Variants in NALF1 observed in about 807,000 individuals in gnomAD.
NALF1 encodes the protein NALCN channel auxiliary factor 1.
NALF1 carries 3 observed loss-of-function variants against 48.4 expected under a neutral mutation model. That is an observed-to-expected ratio of 0.06 (90% CI 0.03 to 0.16). NALF1 has a LOEUF of 0.16. Ranked by LOEUF, NALF1 falls within the 10% of genes least tolerant of loss-of-function variation. The pLI is 1.00. For missense variants in NALF1, 526 were observed against 571.5 expected (o/e 0.92, Z 0.81); for synonymous variants, 262 against 245.7 (o/e 1.07, Z -0.62).
chr13:107,451,581 T>C (rs930856805), intron 1 of NALF1, among the ~76,000 whole-genome samples: 5 of 152,150 alleles, frequency 3.3e-5, no homozygotes, highest in African/African-American at 1.2e-4. Context: ...GTATTTCAGC[T>C]CCTTTCTCTT....
intron 1 of NALF1, among the ~76,000 whole-genome samples, chr13:107,378,652 A>G (rs1429308938): frequency 6.6e-6 from 1 of 152,198 alleles, no homozygotes; most frequent in Non-Finnish European, 1.5e-5. Context: ...TTAGCTGAGT[A>G]TTTAAAATCT....
intron 1 of NALF1, among the ~76,000 whole-genome samples, chr13:107,262,128 T>C (rs531827285): frequency 6.6e-6 from 1 of 152,280 alleles, no homozygotes; most frequent in African/African-American, 2.4e-5. Context: ...GAACAGCATA[T>C]GGAAGGCCAG....
At chr13:107,226,151 C>T (rs929276580) in intron 1 of NALF1, among the ~76,000 whole-genome samples, 16 of 152,014 alleles carry the variant, frequency 1.1e-4, no homozygotes, top group African/African-American at 3.4e-4. Context: ...CACACCACTA[C>T]CTAAACAGCA....
At chr13:107,821,777 AAAGT>A (rs1276247264) in intron 1 of NALF1, among the ~76,000 whole-genome samples, 1 of 152,246 alleles carries the variant, frequency 6.6e-6, no homozygotes, top group Non-Finnish European at 1.5e-5. Flanking sequence ...TGTTAACAAC[AAAGT>A]AAGATTTTAA....
chr13:107,323,016 T>A (rs565122112), intron 1 of NALF1, among the ~76,000 whole-genome samples: 2 of 152,280 alleles, frequency 1.3e-5, no homozygotes, highest in South Asian at 4.1e-4. Context: ...TCTTTTGAAC[T>A]AATATAAAGC....
intron 1 of NALF1, among the ~76,000 whole-genome samples, chr13:107,297,010 GA>G (rs1053252332): frequency 2.4e-4 from 36 of 150,512 alleles, no homozygotes; most frequent in African/African-American, 8.7e-4. Context: ...ACATAGATTA[GA>G]GTTTTTTTAT....
intron 1 of NALF1, among the ~76,000 whole-genome samples, chr13:107,767,810 C>T (rs1285858980): frequency 6.6e-6 from 1 of 152,134 alleles, no homozygotes; most frequent in Non-Finnish European, 1.5e-5. Flanking sequence ...TGATAGCATA[C>T]CCTGCTCTAG....
chr13:107,804,003 A>G (rs1039206931), intron 1 of NALF1, among the ~76,000 whole-genome samples: 1 of 152,144 alleles, frequency 6.6e-6, no homozygotes, highest in Non-Finnish European at 1.5e-5. Context: ...CCCTGTACCC[A>G]GCATCACAGT....
At chr13:107,278,357 T>C (rs1165128493) in intron 1 of NALF1, among the ~76,000 whole-genome samples, 1 of 152,248 alleles carries the variant, frequency 6.6e-6, no homozygotes. Flanking sequence ...CAAGTCCATA[T>C]TATTTGCTAT....
Position 107,510,800 on chromosome 13 carries a change from G to A in NALF1, c.916-300045C>T, listed in dbSNP as rs1400846176. Among the ~76,000 whole-genome samples, 3 of 152,078 alleles carry A rather than the reference G, an allele frequency of 2.0e-5. No individual in the cohort carries two copies. In the East Asian group the frequency reaches 5.8e-4, roughly 29 times the overall value. ...GAGCACAGACAAAAACACAAACTTT[G>A]TTCATACCACAGAAATGGTCAAAAT... is the stretch of plus-strand genomic sequence containing the variant. On this transcript the variant is annotated intron_variant, in intron 1 of 2. Coordinates refer to ENST00000375915, the MANE Select transcript of NALF1 (RefSeq NM_001080396.3).
chr13:107,848,152 G>T (rs186959672), intron 1 of NALF1, among the ~76,000 whole-genome samples: 2 of 152,134 alleles, frequency 1.3e-5, no homozygotes, highest in African/African-American at 4.8e-5. Context: ...ACAACACAAC[G>T]AAGTTTCCTT....
Position 107,866,242 on chromosome 13 carries a change from C to T in NALF1, c.355G>A (p.Ala119Thr), listed in dbSNP as rs1450168586. 1.1e-5 allele frequency: 17 copies of T among 1,593,254 alleles called. No individual in the cohort carries two copies. In the East Asian group the frequency reaches 3.8e-4, roughly 36 times the overall value. ...SMGESSPAAQAHRLLSASSSP... is the reference protein window; with the variant it reads ...SMGESSPAAQTHRLLSASSSP... Reference sequence around the variant, plus strand: ...GAGGAGGCGGAGAGGAGTCTGTGTGCCTGGGCGGCGGGCGAGGACTCCCCC... The same window carrying T: ...GAGGAGGCGGAGAGGAGTCTGTGTGTCTGGGCGGCGGGCGAGGACTCCCCC... Residue 119 changes from alanine (A) to threonine (T), a missense_variant, in exon 1 of 3, where the codon GCA becomes ACA. Physicochemically the swap from Ala to Thr is moderately conservative, Grantham distance 58 (BLOSUM62 0). This residue lies in a region of NALF1 where 373 missense variants were observed against 355.5 expected (regional missense o/e 1.05). Transcript: ENST00000375915. The surrounding 1 kb of genome is among the most constrained non-coding windows in gnomAD (Gnocchi z 4.4).
At chr13:107,630,639 G>T (rs947794844) in intron 1 of NALF1, among the ~76,000 whole-genome samples, 3 of 151,926 alleles carry the variant, frequency 2.0e-5, no homozygotes, top group African/African-American at 7.3e-5. Flanking sequence ...TCTTATAATC[G>T]TCTAATAGGA....
intron 1 of NALF1, among the ~76,000 whole-genome samples, chr13:107,276,938 CAAAA>C (rs966397612): frequency 1.3e-5 from 2 of 151,776 alleles, no homozygotes; most frequent in Admixed American, 1.3e-4. Flanking sequence ...TCATTAAAAA[CAAAA>C]AAAGAGAAAA....
chr13:107,174,363 A>T (rs200263968), intron 2 of NALF1, among the ~76,000 whole-genome samples: 2,629 of 144,298 alleles, frequency 0.018, 47 homozygotes, highest in African/African-American at 0.038. Context: ...TTATTTATTT[A>T]TTTTTTTTTT....
chr13:107,560,798 C>G (rs1219583062), intron 1 of NALF1, among the ~76,000 whole-genome samples: 2 of 152,096 alleles, frequency 1.3e-5, no homozygotes, highest in Admixed American at 6.6e-5. Context: ...GCACAGAAAC[C>G]AACCTTCTTA....
chr13:107,292,564 C>T (rs1441211330), intron 1 of NALF1, among the ~76,000 whole-genome samples: 1 of 152,084 alleles, frequency 6.6e-6, no homozygotes, highest in Admixed American at 6.5e-5. Context: ...TACACAGGGT[C>T]AGGTCATCAA....
At chr13:107,507,672 A>G (rs1308188214) in intron 1 of NALF1, among the ~76,000 whole-genome samples, 1 of 149,354 alleles carries the variant, frequency 6.7e-6, no homozygotes, top group Admixed American at 6.7e-5. Context: ...CTTTTTCTAG[A>G]GTGCCAAAAT....
chr13:107,172,147 T>C (rs557728245), intron 2 of NALF1, among the ~76,000 whole-genome samples: 2 of 152,334 alleles, frequency 1.3e-5, no homozygotes, highest in East Asian at 1.9e-4. Flanking sequence ...CACCAATTCC[T>C]CTACATACTT....
Sources: allele counts gnomAD v4.1 joint callset (sites outside exome capture counted in the v4.1 genomes callset), GRCh38; gene constraint gnomAD v4.1.1; regional missense constraint gnomAD v4.1.1; non-coding constraint Gnocchi (gnomAD v3.1); transcripts MANE v1.5; gene names NCBI Gene and HGNC (gene_info 2026-07-23, HGNC 2026-07-21).